The following METAP1D variants were observed in gnomAD, a reference collection of about 807,000 sequenced individuals.
METAP1D encodes methionine aminopeptidase 1D, mitochondrial.
A neutral mutation model predicts 40.5 loss-of-function variants in METAP1D; 31 were observed. The observed-to-expected ratio is 0.77, with a 90% CI of 0.58 to 1.03. The LOEUF (loss-of-function observed/expected upper bound fraction) is 1.03, where lower values mean the gene tolerates loss of function less well. Ranked by LOEUF, METAP1D falls within the 50% of genes least tolerant of loss-of-function variation. The pLI is 0.00. For missense variants in METAP1D, 411 were observed against 420.7 expected, an observed-to-expected ratio of 0.98 and a Z score of 0.20; for synonymous variants, 151 against 146.4, an observed-to-expected ratio of 1.03 and a Z score of -0.22.
chr2:172,078,206 T>G (rs1032970260), intron 7 of METAP1D, among the ~76,000 whole-genome samples: 2 of 152,216 alleles, frequency 1.3e-5, no homozygotes, highest in African/African-American at 4.8e-5. Flanking sequence ...AAAACGCCAC[T>G]GCATCAGTGT....
chr2:172,010,572 C>T (rs1369860181), intron 1 of METAP1D, among the ~76,000 whole-genome samples: 2 of 139,262 alleles, frequency 1.4e-5, no homozygotes, highest in African/African-American at 5.2e-5. Flanking sequence ...CAGCTCACTA[C>T]AACCTGTGCC....
intron 4 of METAP1D, 152 bp downstream of exon 4, chr2:172,065,904 T>C: frequency 1.2e-6 from 1 of 804,180 alleles, no homozygotes; most frequent in Non-Finnish European, 1.9e-6. Flanking sequence ...TGAAGTATTT[T>C]ACTTCTAAAT....
intron 4 of METAP1D, 143 bp from the exon 5 acceptor site, chr2:172,066,121 T>C (rs1338381307): frequency 7.8e-6 from 5 of 644,860 alleles, no homozygotes; most frequent in African/African-American, 3.8e-5. Flanking sequence ...AAGATTAGAT[T>C]TAGTTATCCT....
intron 1 of METAP1D, among the ~76,000 whole-genome samples, chr2:172,012,437 G>C (rs1317443697): frequency 6.6e-6 from 1 of 152,138 alleles, no homozygotes; most frequent in Non-Finnish European, 1.5e-5. Flanking sequence ...CAACGTGATG[G>C]CTTCACCATG....
At chr2:172,067,733 T>C (rs941299719) in intron 5 of METAP1D, among the ~76,000 whole-genome samples, 2 of 152,254 alleles carry the variant, frequency 1.3e-5, no homozygotes, top group African/African-American at 2.4e-5. Context: ...ATTCCTTTTC[T>C]AAGTTTCCTG....
At chr2:172,065,508 C>A in intron 3 of METAP1D, 96 bp from the exon 4 acceptor site, 3 of 1,176,378 alleles carry the variant, frequency 2.6e-6, no homozygotes, top group Non-Finnish European at 2.4e-6. Flanking sequence ...TAAATTTATA[C>A]AGTCTCACAT....
chr2:172,033,961 C>T (rs577151632), intron 1 of METAP1D, among the ~76,000 whole-genome samples: 4 of 151,340 alleles, frequency 2.6e-5, no homozygotes, highest in South Asian at 2.1e-4. Flanking sequence ...CCTGTAATCC[C>T]GGCTACTCGG....
At chr2:172,006,215 G>A (rs551393310) in intron 1 of METAP1D, among the ~76,000 whole-genome samples, 2 of 146,822 alleles carry the variant, frequency 1.4e-5, no homozygotes, top group South Asian at 2.1e-4. Context: ...ACGAAGTCTC[G>A]CTCTGTCACC....
intron 1 of METAP1D, among the ~76,000 whole-genome samples, chr2:172,045,774 T>TAC (rs1689732369): frequency 1.6e-5 from 2 of 127,346 alleles, no homozygotes; most frequent in Non-Finnish European, 3.3e-5. Flanking sequence ...TATATATGTA[T>TAC]ATATGTGTAT....
chr2:172,047,991 A>C (rs1237686131), intron 1 of METAP1D, among the ~76,000 whole-genome samples: 1 of 152,208 alleles, frequency 6.6e-6, no homozygotes, highest in African/African-American at 2.4e-5. Context: ...GCCCAGCAGG[A>C]ACTCTCAGGA....
intron 1 of METAP1D, among the ~76,000 whole-genome samples, chr2:172,028,803 A>T (rs1465392676): frequency 6.6e-6 from 1 of 152,174 alleles, no homozygotes. Context: ...CTTGTTTTTA[A>T]TGTCTGTTAT....
intron 1 of METAP1D, among the ~76,000 whole-genome samples, chr2:172,016,367 C>T (rs1403606599): frequency 1.5e-5 from 2 of 135,874 alleles, no homozygotes; most frequent in South Asian, 2.4e-4. Context: ...CTTGTAATCC[C>T]ACCACTTTGG....
chr2:172,065,710 G>T lies in METAP1D; in HGVS notation c.455G>T (p.Cys152Phe). Residue 152 changes from cysteine (C) to phenylalanine (F), a missense_variant, in exon 4 of 10, where the codon TGT becomes TTT. Coordinates refer to ENST00000315796, the MANE Select transcript of METAP1D (RefSeq NM_199227.3). ...LGYGGFPKSV[C>F]TSVNNVLCHG... is the part of the protein sequence containing the mutation. The stretch of plus-strand genomic sequence containing the variant: ...TATGGAGGTTTTCCAAAATCTGTTT[G>T]TACCTCTGTAAACAACGTGCTCTGT... The T allele has an allele frequency of 6.2e-7, 1 of 1,613,900 alleles. No homozygotes were observed.
chr2:172,000,377 G>A (rs1688430001), intron 1 of METAP1D, among the ~76,000 whole-genome samples: 1 of 152,184 alleles, frequency 6.6e-6, no homozygotes. Context: ...AATGCATCTG[G>A]ACACCCGGTT....
At chr2:172,056,020 G>A (rs938038862) in intron 1 of METAP1D, among the ~76,000 whole-genome samples, 2 of 152,110 alleles carry the variant, frequency 1.3e-5, no homozygotes, top group Non-Finnish European at 2.9e-5. Flanking sequence ...CATGCTTCAA[G>A]TTTAAGTACA....
At chr2:172,000,061 T>A (rs1039020211) in intron 1 of METAP1D, 52 bp downstream of exon 1, 1 of 1,264,616 alleles carries the variant, frequency 7.9e-7, no homozygotes, top group African/African-American at 1.5e-5. Flanking sequence ...GCTCACTAGG[T>A]ACGCACCCGG....
intron 1 of METAP1D, among the ~76,000 whole-genome samples, chr2:172,055,199 ATGAATGAT>A (rs1452603789): frequency 6.6e-6 from 1 of 152,218 alleles, no homozygotes; most frequent in African/African-American, 2.4e-5. Flanking sequence ...TGAATCCTGA[ATGAATGAT>A]AGTGTGTGGG....
At chr2:172,050,429 T>C (rs1266492891) in intron 1 of METAP1D, among the ~76,000 whole-genome samples, 1 of 146,896 alleles carries the variant, frequency 6.8e-6, no homozygotes, top group Non-Finnish European at 1.5e-5. Context: ...TTTGTTACTA[T>C]ATCAGTTTTT....
At chr2:172,009,207 A>AT (rs1049432528) in intron 1 of METAP1D, among the ~76,000 whole-genome samples, 9 of 151,104 alleles carry the variant, frequency 6.0e-5, no homozygotes, top group South Asian at 2.1e-4. Context: ...CGCCAGGCTA[A>AT]TTTTTTTTGT....
Sources: allele counts gnomAD v4.1 joint callset (sites outside exome capture counted in the v4.1 genomes callset), GRCh38; gene constraint gnomAD v4.1.1; transcripts MANE v1.5; gene names NCBI Gene and HGNC (gene_info 2026-07-23, HGNC 2026-07-21).